GRIN3A: variants seen among roughly 807,000 people sequenced by gnomAD.
GRIN3A encodes glutamate receptor ionotropic, NMDA 3A.
In GRIN3A, 47 loss-of-function variants were observed where a neutral mutation model predicts 92.4. The ratio of observed to expected loss-of-function variants is 0.51; its 90% CI spans 0.40 to 0.65. The LOEUF is 0.65. Ranked by LOEUF, GRIN3A falls within the 30% of genes least tolerant of loss-of-function variation. The probability of loss-of-function intolerance (pLI) is 0.00; values close to 1 mark genes in which losing one functional copy is unlikely to be tolerated. For synonymous variants in GRIN3A, 527 were observed against 540.6 expected, an observed-to-expected ratio of 0.97 and a Z score of 0.35; for missense variants, 1,324 against 1,393.1, an observed-to-expected ratio of 0.95 and a Z score of 0.79.
chr9:101,663,772 C>T (rs74339017), intron 3 of GRIN3A, among the ~76,000 whole-genome samples: 10,833 of 151,642 alleles, frequency 0.071, 512 homozygotes, highest in East Asian at 0.22. Context: ...TGAATGTTCG[C>T]CAGGACTGTG....
chr9:101,667,801 T>C (rs2118945278), intron 3 of GRIN3A, among the ~76,000 whole-genome samples: 1 of 152,124 alleles, frequency 6.6e-6, no homozygotes, highest in East Asian at 1.9e-4. Context: ...AACTAAAAAA[T>C]TCTATCACAA....
At chr9:101,681,567 C>T (rs1391337831) in intron 2 of GRIN3A, among the ~76,000 whole-genome samples, 1 of 152,192 alleles carries the variant, frequency 6.6e-6, no homozygotes, top group Non-Finnish European at 1.5e-5. Flanking sequence ...TTTCCTTTGT[C>T]TGTGAATTTG....
At chr9:101,620,211 A>T (rs1469645085) in intron 5 of GRIN3A, among the ~76,000 whole-genome samples, 1 of 152,226 alleles carries the variant, frequency 6.6e-6, no homozygotes, top group African/African-American at 2.4e-5. Flanking sequence ...GTCCAAGATC[A>T]GGGCAATGGT....
chr9:101,594,423 C>T (rs777552418), intron 6 of GRIN3A: 3 of 1,608,096 alleles, frequency 1.9e-6, no homozygotes, highest in Non-Finnish European at 2.6e-6. Context: ...ACGATGAGGA[C>T]CAGCTTCTTG....
chr9:101,724,541 C>A (rs1830060858), intron 1 of GRIN3A, among the ~76,000 whole-genome samples: 1 of 152,190 alleles, frequency 6.6e-6, no homozygotes, highest in South Asian at 2.1e-4. Context: ...TTGGCCAGCC[C>A]AGAAAGGGGC....
At chr9:101,687,536 T>A (rs1829554754) in intron 1 of GRIN3A, among the ~76,000 whole-genome samples, 1 of 152,230 alleles carries the variant, frequency 6.6e-6, no homozygotes, top group East Asian at 1.9e-4. Context: ...TTCCCATTTC[T>A]TGGTATTGCT....
intron 1 of GRIN3A, among the ~76,000 whole-genome samples, chr9:101,696,123 G>T (rs544696411): frequency 5.9e-5 from 9 of 152,286 alleles, no homozygotes; most frequent in African/African-American, 1.9e-4. Context: ...AGGAGGGTAA[G>T]GACCGGATTA....
chr9:101,652,320 T>C (rs1829024659), intron 3 of GRIN3A, among the ~76,000 whole-genome samples: 1 of 151,960 alleles, frequency 6.6e-6, no homozygotes, highest in Non-Finnish European at 1.5e-5. Flanking sequence ...TGCCAGTCTC[T>C]GTACTAGATT....
chr9:101,616,240 A>G (rs1197471180), intron 5 of GRIN3A, among the ~76,000 whole-genome samples: 1 of 152,222 alleles, frequency 6.6e-6, no homozygotes, highest in Non-Finnish European at 1.5e-5. Context: ...TAAGTCCTGA[A>G]TAAGTGTTTG....
At chr9:101,689,022 A>G (rs1473440468) in intron 1 of GRIN3A, among the ~76,000 whole-genome samples, 1 of 152,184 alleles carries the variant, frequency 6.6e-6, no homozygotes, top group African/African-American at 2.4e-5. Flanking sequence ...GGTGAGAGAA[A>G]TGGAAGCTTC....
At chr9:101,644,999 G>T (rs1210065641) in intron 3 of GRIN3A, among the ~76,000 whole-genome samples, 1 of 151,722 alleles carries the variant, frequency 6.6e-6, no homozygotes, top group Non-Finnish European at 1.5e-5. Flanking sequence ...ATCATTTTTT[G>T]TGTTATGAAC....
At chr9:101,645,214 A>AT (rs1377333870) in intron 3 of GRIN3A, among the ~76,000 whole-genome samples, 4 of 151,506 alleles carry the variant, frequency 2.6e-5, no homozygotes, top group South Asian at 2.1e-4. Context: ...CGTGAAATCG[A>AT]TTTTTTTAAC....
rs754089982 is a variant in GRIN3A, at chr9:101,687,155, C to T, written c.745G>A (p.Asp249Asn). The change falls in exon 2 of 9, where the codon GAT becomes AAT. Residue 249 changes from aspartate to asparagine, a missense_variant. Asp to Asn is a conservative substitution (Grantham distance 23). Transcript: ENST00000361820. ...QLSLENSLSS[D>N]ADVTVSILTM... is the part of the protein sequence containing the mutation. ...AGGATTGAGACAGTGACATCAGCAT[C>T]AGAACTTAATGAATTTTCTAAACTC... is the stretch of plus-strand genomic sequence containing the variant. 1.2e-6 allele frequency: 2 copies of T among 1,613,744 alleles called. No individual in the cohort carries two copies. Among genetic ancestry groups the T allele is most frequent in the East Asian group, 2.2e-5 (1 of 44,876 alleles).
In GRIN3A at chr9:101,627,987, A is replaced by G. The variant is rs1828656086; in HGVS notation, c.2498+269T>C. ...TGTAAAGCCAACATTTACTTCCTCC[A>G]CCATCTGCTATGCTAATGGCCCCAC... On this transcript the variant is annotated intron_variant, in intron 4 of 8. Transcript: ENST00000361820. 2.6e-5 allele frequency among the ~76,000 whole-genome samples: 4 copies of G among 152,144 alleles called. No homozygotes were observed. In the South Asian group the frequency reaches 8.3e-4, roughly 32 times the overall value.
At chr9:101,600,500 A>G (rs1359468557) in intron 6 of GRIN3A, among the ~76,000 whole-genome samples, 3 of 152,204 alleles carry the variant, frequency 2.0e-5, no homozygotes, top group Non-Finnish European at 4.4e-5. Flanking sequence ...TGAGTGTTAC[A>G]GATGAGAAGT....
Position 101,737,301 on chromosome 9 carries a change from C to T in GRIN3A, c.679G>A (p.Glu227Lys). 1 of 1,614,164 alleles carries T rather than the reference C, an allele frequency of 6.2e-7. No homozygotes were observed. ...HIPVISIVRH[E>K]FPRESQNPLH... Reference sequence around the variant, plus strand: ...CTCACCTGACTCTCCCGTGGAAACTCGTGGCGCACGATGCTGATCACTGGA... The same window carrying T: ...CTCACCTGACTCTCCCGTGGAAACTTGTGGCGCACGATGCTGATCACTGGA... The change falls in exon 1 of 9, where the codon GAG (glutamate) becomes AAG (lysine). Residue 227 changes from glutamate to lysine, a missense_variant. Transcript: ENST00000361820.
rs543675738 is a variant in GRIN3A, at chr9:101,630,748, G to A, written c.2353-2347C>T. On this transcript the variant is annotated intron_variant, in intron 3 of 8. Transcript: ENST00000361820. ...TTCTTATTTTGCAGATTAAAACACT[G>A]AGGCTTGGATAGTTAAAGTAACACC... 3.9e-4 allele frequency among the ~76,000 whole-genome samples: 59 copies of A among 152,310 alleles called. 1 individual carries two copies. The highest frequency in any genetic ancestry group is 1.4e-3 in the African/African-American group (59 of 41,570).
At chr9:101,577,094 C>T (rs1348775769) in intron 8 of GRIN3A, among the ~76,000 whole-genome samples, 2 of 152,086 alleles carry the variant, frequency 1.3e-5, no homozygotes, top group African/African-American at 2.4e-5. Context: ...TGAAGAGCTT[C>T]GATTTTCAGA....
intron 5 of GRIN3A, among the ~76,000 whole-genome samples, chr9:101,617,872 C>T (rs1358247598): frequency 1.3e-5 from 2 of 149,024 alleles, no homozygotes; most frequent in Non-Finnish European, 3.0e-5. Flanking sequence ...TGTTCAATTC[C>T]CACCTATGAG....
Sources: gnomAD v4.1 joint callset for allele counts (sites outside exome capture counted in the v4.1 genomes callset) on GRCh38, gnomAD v4.1.1 for gene constraint, MANE v1.5 for transcripts, NCBI Gene and HGNC (gene_info 2026-07-23, HGNC 2026-07-21) for gene names.